The following TPST1 variants were observed in gnomAD, a reference collection of about 807,000 sequenced individuals.
TPST1 encodes tyrosylprotein sulfotransferase 1, also known as protein-tyrosine sulfotransferase 1.
In TPST1, 20 loss-of-function variants were observed where a neutral mutation model predicts 34.8. The observed-to-expected ratio is 0.57, with a 90% CI of 0.40 to 0.84. TPST1 has a LOEUF of 0.84. Ranked by LOEUF, TPST1 falls within the 40% of genes least tolerant of loss-of-function variation. The probability of loss-of-function intolerance (pLI) is 0.00; values close to 1 mark genes in which losing one functional copy is unlikely to be tolerated. For missense variants in TPST1, 353 were observed against 455.5 expected (o/e 0.78, Z 2.05); for synonymous variants, 152 against 159.4 (o/e 0.95, Z 0.35).
At chr7:66,335,716 G>T (rs1792082865) in intron 3 of TPST1, among the ~76,000 whole-genome samples, 1 of 152,142 alleles carries the variant, frequency 6.6e-6, no homozygotes, top group Non-Finnish European at 1.5e-5. Context: ...TAGTTTTAGT[G>T]CAGTGTTTCA....
rs555566258 is a variant in TPST1 at position 66,209,425 on chromosome 7, G to A, written c.-102+3903G>A. 2.6e-5 allele frequency among the ~76,000 whole-genome samples: 4 copies of A among 152,308 alleles called. No homozygotes were observed. The South Asian group carries it at 6.2e-4, about 24-fold the overall frequency. On this transcript the variant is annotated intron_variant, in intron 1 of 5. Coordinates refer to ENST00000304842, the MANE Select transcript of TPST1 (RefSeq NM_003596.4). Reference sequence around the variant, plus strand: ...CCTAACACATAATCCTGATGATAGCGAGGAACCTTTGAAGGATTTCTTCCT... The same window carrying A: ...CCTAACACATAATCCTGATGATAGCAAGGAACCTTTGAAGGATTTCTTCCT...
At chr7:66,202,723 G>C (rs180825004), upstream of TPST1, among the ~76,000 whole-genome samples, 3 of 152,266 alleles carry the variant, frequency 2.0e-5, no homozygotes, top group Non-Finnish European at 4.4e-5. Context: ...TTAGAGGATC[G>C]CTTGAGGTCA....
chr7:66,324,800 CAAAAAAAAAAAAAA>C (rs56389964), intron 3 of TPST1, among the ~76,000 whole-genome samples: 3 of 109,270 alleles, frequency 2.7e-5, no homozygotes, highest in South Asian at 3.2e-4. Context: ...GACTCTGTCT[CAAAAAAAAAAAAAA>C]AAAAAAAAAA....
Position 66,332,805 on chromosome 7 carries a change from A to G in TPST1, c.1045-19700A>G, listed in dbSNP as rs1259004138. 1.3e-5 allele frequency among the ~76,000 whole-genome samples: 2 copies of G among 152,188 alleles called. No individual in the cohort carries two copies. Among genetic ancestry groups the G allele is most frequent in the African/African-American group, 4.8e-5 (2 of 41,444 alleles). ...AAGCAGTCTAGAGATGATTTAAAGT[A>G]TACAGGAGGATATGTGTATGTTACG... On this transcript the variant is annotated intron_variant, in intron 3 of 5. Transcript: ENST00000304842. The surrounding 1 kb of genome is among the most constrained non-coding windows in gnomAD (Gnocchi z 4.5).
intron 3 of TPST1, among the ~76,000 whole-genome samples, chr7:66,328,907 T>TATATATATATATA (rs1491359019): frequency 8.2e-5 from 2 of 24,310 alleles, no homozygotes; most frequent in Admixed American, 5.6e-4. Flanking sequence ...TATATATATA[T>TATATATATATATA]TTTTTTTTTT....
Position 66,240,526 on chromosome 7 carries a change from G to T in TPST1, c.101G>T (p.Arg34Leu). 2 of 1,614,146 alleles carry T rather than the reference G, an allele frequency of 1.2e-6. No individual in the cohort carries two copies. The highest frequency in any genetic ancestry group is 2.2e-5 in the South Asian group (2 of 91,074). ...LGQHAMECHHRIEERSQPVKL... is the reference protein window; with the variant it reads ...LGQHAMECHHLIEERSQPVKL... ...CAGCATGCCATGGAATGCCATCACCGGATAGAGGAACGTAGCCAGCCAGTC... is the reference window on the plus strand; with the variant it reads ...CAGCATGCCATGGAATGCCATCACCTGATAGAGGAACGTAGCCAGCCAGTC... The change falls in exon 2 of 6, where the codon CGG becomes CTG. Residue 34 changes from arginine to leucine, a missense_variant. Transcript: ENST00000304842.
intron 2 of TPST1, among the ~76,000 whole-genome samples, chr7:66,273,577 CAT>C (rs763710528): frequency 4.6e-5 from 7 of 152,198 alleles, no homozygotes; most frequent in Non-Finnish European, 1.0e-4. Flanking sequence ...TAAAAACAGA[CAT>C]ATAAACGAAT....
intron 2 of TPST1, among the ~76,000 whole-genome samples, chr7:66,282,127 T>G (rs573012492): frequency 6.6e-6 from 1 of 152,284 alleles, no homozygotes; most frequent in East Asian, 1.9e-4. Flanking sequence ...TACCGTAGTA[T>G]GCTTTAGATC....
intron 1 of TPST1, among the ~76,000 whole-genome samples, chr7:66,215,438 G>T (rs1432929458): frequency 1.3e-5 from 2 of 151,358 alleles, no homozygotes; most frequent in Non-Finnish European, 2.9e-5. Context: ...GAAGTGGCGC[G>T]ATCTCGGCTC....
chr7:66,287,541 G>T (rs1791069640), intron 3 of TPST1, among the ~76,000 whole-genome samples: 1 of 58,446 alleles, frequency 1.7e-5, no homozygotes, highest in East Asian at 3.9e-4. Context: ...TTTAATGATT[G>T]CCATTCTACC....
chr7:66,334,777 C>T (rs1792062442), intron 3 of TPST1, among the ~76,000 whole-genome samples: 1 of 152,096 alleles, frequency 6.6e-6, no homozygotes, highest in Non-Finnish European at 1.5e-5. Context: ...CCCCTTCCCC[C>T]CAAGCTGGCA....
In TPST1 at chr7:66,240,525, C is replaced by T. The variant is rs998355509; in HGVS notation, c.100C>T (p.Arg34Trp). The change falls in exon 2 of 6, where the codon CGG becomes TGG. Residue 34 changes from arginine (R) to tryptophan (W), a missense_variant. Arg to Trp is a moderately radical substitution (Grantham distance 101). Transcript: ENST00000304842. ...LGQHAMECHH[R>W]IEERSQPVKL... is the part of the protein sequence containing the mutation. ...CCAGCATGCCATGGAATGCCATCAC[C>T]GGATAGAGGAACGTAGCCAGCCAGT... is the stretch of plus-strand genomic sequence containing the variant. 24 of 1,614,000 alleles carry T rather than the reference C, an allele frequency of 1.5e-5. No homozygotes were observed. Among genetic ancestry groups the T allele is most frequent in the Middle Eastern group, 3.3e-4 (2 of 6,084 alleles).
intron 1 of TPST1, among the ~76,000 whole-genome samples, chr7:66,224,106 T>G (rs2116305115): frequency 6.6e-6 from 1 of 152,282 alleles, no homozygotes; most frequent in South Asian, 2.1e-4. Context: ...TGCCAGCCCC[T>G]AACGTGCAGC....
chr7:66,352,390 C>G, intron 3 of TPST1, 115 bp from the exon 4 acceptor site: 1 of 1,519,154 alleles, frequency 6.6e-7, no homozygotes, highest in Non-Finnish European at 8.8e-7. Flanking sequence ...CTTTCTCATT[C>G]TAAACTCACC....
chr7:66,354,058 A>G (rs1792534049), intron 4 of TPST1, among the ~76,000 whole-genome samples: 1 of 152,168 alleles, frequency 6.6e-6, no homozygotes, highest in Admixed American at 6.5e-5. Flanking sequence ...TTATTCACCA[A>G]TTGTTTACCC....
At chr7:66,212,600 C>T (rs1053940497) in intron 1 of TPST1, among the ~76,000 whole-genome samples, 9 of 151,912 alleles carry the variant, frequency 5.9e-5, no homozygotes, top group African/African-American at 2.2e-4. Context: ...GCTGGCATTA[C>T]AGGCTCCCGC....
At chr7:66,321,132 A>G (rs905291610) in intron 3 of TPST1, among the ~76,000 whole-genome samples, 1 of 152,248 alleles carries the variant, frequency 6.6e-6, no homozygotes, top group African/African-American at 2.4e-5. Flanking sequence ...ATATGAAGTA[A>G]AAGTCAAGAA....
At chr7:66,333,289 C>T (rs1365948984) in intron 3 of TPST1, among the ~76,000 whole-genome samples, 2 of 152,162 alleles carry the variant, frequency 1.3e-5, no homozygotes, top group Non-Finnish European at 2.9e-5. Context: ...GCCAAAGCCT[C>T]TTGTATGGAA....
chr7:66,315,916 G>T (rs1011148884), intron 3 of TPST1, among the ~76,000 whole-genome samples: 5 of 152,110 alleles, frequency 3.3e-5, no homozygotes, highest in African/African-American at 4.8e-5. Context: ...TTCGAGACCA[G>T]CCTGACCAAC....
Sources: gnomAD v4.1 joint callset for allele counts (sites outside exome capture counted in the v4.1 genomes callset) on GRCh38, gnomAD v4.1.1 for gene constraint, Gnocchi (gnomAD v3.1) non-coding constraint, MANE v1.5 for transcripts, NCBI Gene and HGNC (gene_info 2026-07-23, HGNC 2026-07-21) for gene names.